The following MICU1 variants were observed in gnomAD, a reference collection of about 807,000 sequenced individuals.
MICU1 encodes calcium uptake protein 1, mitochondrial.
A neutral mutation model predicts 56.8 loss-of-function variants in MICU1; 45 were observed. That is an observed-to-expected ratio of 0.79 (90% CI 0.62 to 1.02). The LOEUF is 1.02. MICU1 is among the 50% of genes least tolerant of loss of function. The pLI, the probability that MICU1 is intolerant of heterozygous loss-of-function variation, is 0.00. For synonymous variants in MICU1, 186 were observed against 195.1 expected (o/e 0.95, Z 0.39); for missense variants, 504 against 587.1 (o/e 0.86, Z 1.46).
At chr10:72,466,766 G>A (rs977248738) in intron 8 of MICU1, among the ~76,000 whole-genome samples, 1 of 152,080 alleles carries the variant, frequency 6.6e-6, no homozygotes, top group African/African-American at 2.4e-5. Context: ...TAATATTTTG[G>A]CCAGGAAAGG....
rs372087915 is a variant in MICU1, at chr10:72,530,335, AAATAATAATAATAAT to A, written c.537+3396_537+3410del. Among the ~76,000 whole-genome samples the A allele has an allele frequency of 4.5e-4, 29 of 64,900 alleles. 2 individuals are homozygous for A. Among genetic ancestry groups the A allele is most frequent in the Admixed American group, 4.0e-3 (26 of 6,546 alleles). The allele number at this position is 64,900 out of a possible 152,430, so 42.6% of individuals were successfully genotyped here. A position where few individuals can be genotyped will look rare whatever the true frequency, so the allele number is the denominator to read the frequency against. On this transcript the variant is annotated intron_variant, in intron 5 of 11. Transcript: ENST00000361114. Reference sequence around the variant, plus strand: ...GTGACAGGAGCGAAACTCCATATCAAAATAATAATAATAATAATAATAATAATAATAATAATAATG... The same window carrying A: ...GTGACAGGAGCGAAACTCCATATCAAAATAATAATAATAATAATAATAATG...
intron 1 of MICU1, among the ~76,000 whole-genome samples, chr10:72,569,391 T>C (rs1470922541): frequency 6.6e-6 from 1 of 150,866 alleles, no homozygotes; most frequent in African/African-American, 2.4e-5. Context: ...CATACCATGA[T>C]GCCTGGCTAA....
chr10:72,375,722 A>C (rs1862494115), intron 11 of MICU1, 61 bp downstream of exon 11: 1 of 1,495,172 alleles, frequency 6.7e-7, no homozygotes, highest in Non-Finnish European at 9.1e-7. Context: ...TCCATTATAC[A>C]CAAGGGCCTC....
intron 8 of MICU1, among the ~76,000 whole-genome samples, chr10:72,448,748 T>C (rs961225209): frequency 6.6e-6 from 1 of 151,974 alleles, no homozygotes; most frequent in African/African-American, 2.4e-5. Flanking sequence ...CATTCTCCTT[T>C]CATAAAGGAA....
chr10:72,474,038 CAT>C (rs1276436381), intron 8 of MICU1, among the ~76,000 whole-genome samples: 1 of 151,978 alleles, frequency 6.6e-6, no homozygotes, highest in African/African-American at 2.4e-5. Flanking sequence ...AGGAGGATCA[CAT>C]GAGGTCAGGA....
intron 10 of MICU1, among the ~76,000 whole-genome samples, chr10:72,399,019 A>C (rs1863360497): frequency 6.6e-6 from 1 of 152,248 alleles, no homozygotes; most frequent in Admixed American, 6.5e-5. Context: ...AATATCCCTG[A>C]TGAACATCAA....
chr10:72,525,563 G>A (rs1308685040), intron 5 of MICU1, among the ~76,000 whole-genome samples: 1 of 152,204 alleles, frequency 6.6e-6, no homozygotes, highest in Non-Finnish European at 1.5e-5. Flanking sequence ...TCATTACAGA[G>A]ATAGCACAGG....
intron 4 of MICU1, 137 bp downstream of exon 4, chr10:72,551,042 A>G (rs1008440965): frequency 5.5e-5 from 47 of 860,658 alleles, no homozygotes; most frequent in Non-Finnish European, 7.2e-5. Flanking sequence ...GCCTAGCACA[A>G]TGCCTGATAT....
At chr10:72,414,362 C>T (rs1863916904) in intron 9 of MICU1, among the ~76,000 whole-genome samples, 1 of 151,842 alleles carries the variant, frequency 6.6e-6, no homozygotes, top group Non-Finnish European at 1.5e-5. Context: ...TACTCTTCTG[C>T]AATAGAAAAT....
At chr10:72,558,174 T>C (rs1554889211) in intron 3 of MICU1, among the ~76,000 whole-genome samples, 1 of 152,200 alleles carries the variant, frequency 6.6e-6, no homozygotes, top group Non-Finnish European at 1.5e-5. Flanking sequence ...ATTTTATATC[T>C]GAAAAGTACA....
intron 1 of MICU1, among the ~76,000 whole-genome samples, chr10:72,592,049 A>G (rs1181079474): frequency 1.3e-5 from 2 of 148,618 alleles, no homozygotes; most frequent in Non-Finnish European, 3.0e-5. Flanking sequence ...TCGCTCTGTC[A>G]TCCAGGCCGG....
At chr10:72,573,314 A>C (rs951267675) in intron 1 of MICU1, among the ~76,000 whole-genome samples, 4 of 148,304 alleles carry the variant, frequency 2.7e-5, no homozygotes, top group African/African-American at 7.4e-5. Context: ...CTACAAAAAA[A>C]AAAAAAAAAA....
intron 8 of MICU1, among the ~76,000 whole-genome samples, chr10:72,434,565 C>T (rs1289503018): frequency 6.6e-6 from 1 of 152,002 alleles, no homozygotes; most frequent in Non-Finnish European, 1.5e-5. Context: ...TTTAGGAGGC[C>T]CAACATTATT....
chr10:72,438,666 GAAGAA>G (rs1163291299), intron 8 of MICU1, among the ~76,000 whole-genome samples: 1 of 151,732 alleles, frequency 6.6e-6, no homozygotes, highest in African/African-American at 2.4e-5. Context: ...GACTAATAAA[GAAGAA>G]AAGAAAGAAG....
intron 1 of MICU1, among the ~76,000 whole-genome samples, chr10:72,603,013 G>A (rs1841583350): frequency 6.6e-6 from 1 of 152,182 alleles, no homozygotes; most frequent in Non-Finnish European, 1.5e-5. Context: ...CTACTCGGAG[G>A]CTGAGGCAGG....
intron 8 of MICU1, among the ~76,000 whole-genome samples, chr10:72,446,174 T>A (rs773817734): frequency 3.9e-5 from 6 of 152,156 alleles, no homozygotes; most frequent in Non-Finnish European, 8.8e-5. Context: ...CAATATTGTA[T>A]GGAAAAACAT....
chr10:72,439,989 A>G (rs1262203251), intron 8 of MICU1, among the ~76,000 whole-genome samples: 1 of 152,202 alleles, frequency 6.6e-6, no homozygotes, highest in Non-Finnish European at 1.5e-5. Flanking sequence ...TAATTTATAG[A>G]TTCAATGCCA....
intron 10 of MICU1, among the ~76,000 whole-genome samples, chr10:72,398,127 T>G (rs1419433707): frequency 1.3e-5 from 2 of 152,158 alleles, no homozygotes; most frequent in Non-Finnish European, 2.9e-5. Context: ...GAACTCAGGA[T>G]TAAGAAACTC....
chr10:72,405,209 TATTTA>T (rs1050560890), intron 10 of MICU1, among the ~76,000 whole-genome samples: 1 of 151,986 alleles, frequency 6.6e-6, no homozygotes, highest in African/African-American at 2.4e-5. Flanking sequence ...ATGCCTGGCC[TATTTA>T]ATTTAATTAA....
Sources: allele counts gnomAD v4.1 joint callset (sites outside exome capture counted in the v4.1 genomes callset), GRCh38; gene constraint gnomAD v4.1.1; transcripts MANE v1.5; gene names NCBI Gene and HGNC (gene_info 2026-07-23, HGNC 2026-07-21).